The following JMJD1C variants were observed in gnomAD, a reference collection of about 807,000 sequenced individuals.
JMJD1C encodes the protein jumonji domain containing 1C.
JMJD1C carries 31 observed loss-of-function variants against 245.3 expected under a neutral mutation model. The observed-to-expected ratio is 0.13, with a 90% CI of 0.09 to 0.17. JMJD1C has a LOEUF of 0.17. Among genes scored for constraint, JMJD1C ranks in the 10% least tolerant of loss-of-function variants. The probability of loss-of-function intolerance (pLI) is 1.00; values close to 1 mark genes in which losing one functional copy is unlikely to be tolerated. For missense variants in JMJD1C, 2,691 were observed against 3,000.2 expected (o/e 0.90, Z 2.41); for synonymous variants, 1,057 against 1,017.4 (o/e 1.04, Z -0.74).
intron 1 of JMJD1C, among the ~76,000 whole-genome samples, chr10:63,428,324 T>G (rs1173123367): frequency 6.6e-6 from 1 of 152,202 alleles, no homozygotes; most frequent in Non-Finnish European, 1.5e-5. Context: ...TAAAGAACAT[T>G]TTTCTCTAAC....
chr10:63,215,047 C>T lies in JMJD1C; in HGVS notation c.1120G>A (p.Asp374Asn). The change falls in exon 8 of 26, where the codon GAC (aspartate) becomes AAC (asparagine). Residue 374 changes from aspartate to asparagine, a missense_variant. This residue lies in a region of JMJD1C where 1,562 missense variants were observed against 1,490.7 expected (regional missense o/e 1.05). Coordinates refer to ENST00000399262, the MANE Select transcript of JMJD1C (RefSeq NM_032776.3). ...MKRLRTDNVSDFSESSDSENS... is the reference protein window; with the variant it reads ...MKRLRTDNVSNFSESSDSENS... The stretch of plus-strand genomic sequence containing the variant: ...TCTGAGTCACTGCTCTCAGAAAAGT[C>T]TGAAACATTGTCAGTTCGAAGTCTT... 6.2e-7 allele frequency: 1 copy of T among 1,608,128 alleles called. No individual in the cohort carries two copies. Among genetic ancestry groups the T allele is most frequent in the Non-Finnish European group, 8.5e-7 (1 of 1,177,812 alleles).
At chr10:63,429,566 T>C (rs987089409) in intron 1 of JMJD1C, among the ~76,000 whole-genome samples, 4 of 152,164 alleles carry the variant, frequency 2.6e-5, no homozygotes, top group Non-Finnish European at 2.9e-5. Context: ...TTTGATACAA[T>C]GTTACATAGG....
chr10:63,294,518 T>C (rs1859151733), intron 2 of JMJD1C, among the ~76,000 whole-genome samples: 1 of 152,248 alleles, frequency 6.6e-6, no homozygotes, highest in African/African-American at 2.4e-5. Context: ...TCTCTTGACC[T>C]CGTGATCCGC....
chr10:63,170,204 G>A (rs1464769246), intron 24 of JMJD1C, among the ~76,000 whole-genome samples: 2 of 152,056 alleles, frequency 1.3e-5, no homozygotes, highest in Non-Finnish European at 2.9e-5. Flanking sequence ...CTGGCTCTTT[G>A]AGCATATTTA....
intron 3 of JMJD1C, among the ~76,000 whole-genome samples, chr10:63,223,320 C>G (rs1313978624): frequency 6.6e-6 from 1 of 150,936 alleles, no homozygotes; most frequent in Non-Finnish European, 1.5e-5. Context: ...CTTCGCCTCC[C>G]AAGTTCAAGC....
intron 1 of JMJD1C, chr10:63,427,675 C>G (rs988493643): frequency 2.3e-5 from 30 of 1,298,896 alleles, no homozygotes; most frequent in Non-Finnish European, 3.3e-5. Context: ...GACCGAAATC[C>G]GCAGAGAAGC....
At chr10:63,234,063 T>A (rs72829188) in intron 3 of JMJD1C, among the ~76,000 whole-genome samples, 1,642 of 152,296 alleles carry the variant, frequency 0.011, 18 homozygotes, top group Non-Finnish European at 0.017. Flanking sequence ...GAAACCTAGC[T>A]AATTTAGAAA....
chr10:63,283,198 A>G (rs1857596003), intron 2 of JMJD1C, among the ~76,000 whole-genome samples: 1 of 152,220 alleles, frequency 6.6e-6, no homozygotes, highest in Non-Finnish European at 1.5e-5. Flanking sequence ...TAAATAATAA[A>G]GATTTCTTCC....
chr10:63,254,808 C>T (rs1249526496), intron 3 of JMJD1C, among the ~76,000 whole-genome samples: 1 of 151,988 alleles, frequency 6.6e-6, no homozygotes, highest in Non-Finnish European at 1.5e-5. Flanking sequence ...CCTGAGCCTC[C>T]CAAAGTGCTG....
intron 3 of JMJD1C, among the ~76,000 whole-genome samples, chr10:63,225,364 A>C (rs2133336007): frequency 6.6e-6 from 1 of 152,304 alleles, no homozygotes. Context: ...GAAAAAGTTC[A>C]AAAAACATCT....
intron 1 of JMJD1C, among the ~76,000 whole-genome samples, chr10:63,478,834 T>TAACC (rs1157390776): frequency 6.6e-6 from 1 of 152,128 alleles, no homozygotes; most frequent in African/African-American, 2.4e-5. Context: ...AACCACATGG[T>TAACC]GCATACCTAC....
intron 1 of JMJD1C, among the ~76,000 whole-genome samples, chr10:63,498,106 C>A (rs1343266093): frequency 6.6e-6 from 1 of 152,108 alleles, no homozygotes; most frequent in Non-Finnish European, 1.5e-5. Flanking sequence ...GCAATGAAAT[C>A]AAGAGTCAGA....
At chr10:63,420,032 A>T (rs1335218007) in intron 1 of JMJD1C, among the ~76,000 whole-genome samples, 1 of 151,634 alleles carries the variant, frequency 6.6e-6, no homozygotes, top group African/African-American at 2.4e-5. Flanking sequence ...GCTACTCAAG[A>T]GGCTGAGGCA....
chr10:63,322,185 T>C (rs911777255), intron 2 of JMJD1C, among the ~76,000 whole-genome samples: 3 of 152,222 alleles, frequency 2.0e-5, no homozygotes, highest in Non-Finnish European at 2.9e-5. Context: ...TTTTCAAATG[T>C]TGCACATGCC....
rs560719369 is a variant in JMJD1C at position 63,474,107 on chromosome 10, T to A, written n.113+47631A>T. Among the ~76,000 whole-genome samples, 403 of 109,530 alleles carry A rather than the reference T, an allele frequency of 3.7e-3. 3 individuals carry two copies. The highest frequency in any genetic ancestry group is 0.011 in the African/African-American group (393 of 35,522). 71.9% of individuals were successfully genotyped at this position (109,530 alleles called of 152,430 possible). A position where few individuals can be genotyped will look rare whatever the true frequency, so the allele number is the denominator to read the frequency against. On this transcript the variant is annotated intron_variant and non_coding_transcript_variant, in intron 1 of 3. Coordinates refer to the JMJD1C transcript ENST00000633035. ...GGTACACTAAAAAAAATAATAATAATAAATAAATAAATAAATAAATAACTT... is the reference window on the plus strand; with the variant it reads ...GGTACACTAAAAAAAATAATAATAAAAAATAAATAAATAAATAAATAACTT...
Position 63,393,748 on chromosome 10 carries a change from T to C in JMJD1C, c.169-13266A>G, listed in dbSNP as rs181924690. 2.9e-3 allele frequency among the ~76,000 whole-genome samples: 444 copies of C among 152,288 alleles called. 5 individuals carry two copies. Among genetic ancestry groups the C allele is most frequent in the African/African-American group, 0.01 (430 of 41,558 alleles). ...TGGTAGATGAATAAATGGAGAAATG[T>C]GGAATTTATATACAAATTTTGTGTA... On this transcript the variant is annotated intron_variant, in intron 1 of 25. Transcript: ENST00000399262.
chr10:63,504,765 C>T (rs984727893), intron 1 of JMJD1C, among the ~76,000 whole-genome samples: 1 of 152,164 alleles, frequency 6.6e-6, no homozygotes, highest in Non-Finnish European at 1.5e-5. Flanking sequence ...GGGCCAGACA[C>T]AGAGGTGGCT....
chr10:63,448,988 G>A (rs1290243817), intron 1 of JMJD1C, among the ~76,000 whole-genome samples: 3 of 152,042 alleles, frequency 2.0e-5, no homozygotes, highest in Admixed American at 6.6e-5. Context: ...GCGGTGGCGT[G>A]TGCCTGTAAT....
At chr10:63,480,859 C>T (rs565847958) in intron 1 of JMJD1C, among the ~76,000 whole-genome samples, 485 of 152,242 alleles carry the variant, frequency 3.2e-3, no homozygotes, top group Middle Eastern at 6.8e-3. Flanking sequence ...ACAGTCCTTT[C>T]CTTACTTTCA....
Sources: allele counts gnomAD v4.1 joint callset (sites outside exome capture counted in the v4.1 genomes callset), GRCh38; gene constraint gnomAD v4.1.1; regional missense constraint gnomAD v4.1.1; transcripts MANE v1.5; gene names NCBI Gene and HGNC (gene_info 2026-07-23, HGNC 2026-07-21).